The following PRELID2 variants were observed in gnomAD, a reference collection of about 807,000 sequenced individuals.
The protein encoded by PRELID2 is PRELI domain containing 2.
PRELID2 carries 25 observed loss-of-function variants against 28.4 expected under a neutral mutation model. The observed-to-expected ratio is 0.88, with a 90% CI of 0.64 to 1.23. PRELID2 has a LOEUF of 1.23. Among genes scored for constraint, PRELID2 ranks in the 50% most tolerant of loss-of-function variants. The probability of loss-of-function intolerance (pLI) is 0.00; values close to 1 mark genes in which losing one functional copy is unlikely to be tolerated. For missense variants in PRELID2, 201 were observed against 214.4 expected (o/e 0.94, Z 0.39); for synonymous variants, 76 against 71.6 (o/e 1.06, Z -0.31).
chr5:145,703,455 C>T (rs865798358), intron 1 of PRELID2, among the ~76,000 whole-genome samples: 3 of 152,160 alleles, frequency 2.0e-5, no homozygotes, highest in South Asian at 4.1e-4. Context: ...CTTATGACAA[C>T]CAAATAGCTG....
the PRELID2 span, among the ~76,000 whole-genome samples, chr5:145,306,036 T>G: frequency 1.3e-5 from 2 of 152,214 alleles, no homozygotes; most frequent in Admixed American, 6.5e-5. Flanking sequence ...TACAGCAGAC[T>G]CTTGCACGAC....
intron 1 of PRELID2, among the ~76,000 whole-genome samples, chr5:145,550,195 T>G (rs868702166): frequency 6.6e-6 from 1 of 152,186 alleles, no homozygotes; most frequent in South Asian, 2.1e-4. Context: ...GAACTAGACC[T>G]AGAGATATCA....
At chr5:145,290,106 G>T in the PRELID2 span, among the ~76,000 whole-genome samples, 1 of 152,170 alleles carries the variant, frequency 6.6e-6, no homozygotes, top group Non-Finnish European at 1.5e-5. Context: ...AACAACAGGT[G>T]CTGGAGAGGA....
chr5:145,640,417 A>G (rs1754082582), intron 1 of PRELID2, among the ~76,000 whole-genome samples: 1 of 147,752 alleles, frequency 6.8e-6, no homozygotes, highest in Non-Finnish European at 1.5e-5. Flanking sequence ...CGGAGCTTGC[A>G]GTGAGCCGAG....
the PRELID2 span, among the ~76,000 whole-genome samples, chr5:145,399,521 C>T: frequency 6.6e-6 from 1 of 152,086 alleles, no homozygotes; most frequent in Admixed American, 6.6e-5. Flanking sequence ...CCAACTGAAT[C>T]TAACATAAAT....
intron 1 of PRELID2, among the ~76,000 whole-genome samples, chr5:145,537,225 T>C (rs1752706976): frequency 6.6e-6 from 1 of 151,880 alleles, no homozygotes; most frequent in South Asian, 2.1e-4. Flanking sequence ...CCCAAGTACC[T>C]TGTGGGAGAA....
At chr5:145,290,133 C>T in the PRELID2 span, among the ~76,000 whole-genome samples, 646 of 152,206 alleles carry the variant, frequency 4.2e-3, 7 homozygotes, top group African/African-American at 0.015. Context: ...GAAATAGGAA[C>T]GCTTTTACAC....
chr5:145,508,531 A>G (rs1303924), intron 1 of PRELID2, among the ~76,000 whole-genome samples: 32,158 of 151,830 alleles, frequency 0.21, 3,492 homozygotes, highest in South Asian at 0.37. Context: ...TGAATTCATT[A>G]AAGTTAGTAT....
chr5:145,453,975 TA>T, the PRELID2 span, among the ~76,000 whole-genome samples: 1 of 152,206 alleles, frequency 6.6e-6, no homozygotes, highest in Non-Finnish European at 1.5e-5. Flanking sequence ...TTTGGGTATA[TA>T]CCCAGTAATA....
intron 1 of PRELID2, among the ~76,000 whole-genome samples, chr5:145,640,461 G>C (rs1754083734): frequency 7.1e-6 from 1 of 141,548 alleles, no homozygotes; most frequent in Admixed American, 7.2e-5. Flanking sequence ...GGGCGACAGA[G>C]CGAGACTCCG....
At chr5:145,340,500 G>A in the PRELID2 span, among the ~76,000 whole-genome samples, 15 of 152,240 alleles carry the variant, frequency 9.9e-5, no homozygotes, top group Middle Eastern at 3.4e-3. Flanking sequence ...GGGCATGGTG[G>A]CTCATGCCTG....
At chr5:145,234,952 C>T in the PRELID2 span, among the ~76,000 whole-genome samples, 4 of 152,048 alleles carry the variant, frequency 2.6e-5, no homozygotes, top group South Asian at 8.3e-4. Flanking sequence ...GACTGGTCCT[C>T]TTCGTGGATT....
the PRELID2 span, among the ~76,000 whole-genome samples, chr5:145,332,981 T>C: frequency 2.7e-3 from 407 of 152,292 alleles, no homozygotes; most frequent in African/African-American, 9.4e-3. Flanking sequence ...TGATGTTGAT[T>C]CTATTCCTTT....
intron 1 of PRELID2, among the ~76,000 whole-genome samples, chr5:145,704,768 T>C (rs924218206): frequency 3.3e-5 from 5 of 152,156 alleles, no homozygotes; most frequent in Non-Finnish European, 5.9e-5. Flanking sequence ...AAATTTAGAA[T>C]TGGGCCCGAA....
chr5:145,781,689 CTATA>C (rs1346961934), intron 5 of PRELID2, among the ~76,000 whole-genome samples: 2 of 144,452 alleles, frequency 1.4e-5, no homozygotes, highest in Non-Finnish European at 3.0e-5. Flanking sequence ...TATATATACA[CTATA>C]TATACTATAT....
chr5:145,688,611 C>G (rs952438773), intron 1 of PRELID2, among the ~76,000 whole-genome samples: 8 of 152,240 alleles, frequency 5.3e-5, no homozygotes, highest in African/African-American at 1.9e-4. Flanking sequence ...TAAATAATAC[C>G]TAGAGTTACC....
chr5:145,554,366 T>G (rs749755408), intron 1 of PRELID2, among the ~76,000 whole-genome samples: 2 of 151,622 alleles, frequency 1.3e-5, no homozygotes, highest in Non-Finnish European at 2.9e-5. Context: ...CCTTTAGAAA[T>G]TAAGGGTTTA....
At chr5:145,323,138 A>G in the PRELID2 span, among the ~76,000 whole-genome samples, 22 of 152,096 alleles carry the variant, frequency 1.4e-4, no homozygotes, top group African/African-American at 4.8e-4. Context: ...AGAAAAAGCC[A>G]GTATGGGAAA....
rs930608167 is a variant in PRELID2 at position 145,477,289 on chromosome 5, T to G, written n.71-3974A>C. The stretch of plus-strand genomic sequence containing the variant: ...CTCTGCTTCTCCCATCTCACTGCTC[T>G]ACATTTCTCTGTGTTTGCTCATTCT... On this transcript the variant is annotated intron_variant and non_coding_transcript_variant, in intron 1 of 2. Coordinates refer to the PRELID2 transcript ENST00000510259. Among the ~76,000 whole-genome samples the G allele has an allele frequency of 2.0e-5, 3 of 152,334 alleles. No homozygotes were observed. In the East Asian group the frequency reaches 5.8e-4, roughly 29 times the overall value.
Sources: gnomAD v4.1 joint callset for allele counts (sites outside exome capture counted in the v4.1 genomes callset) on GRCh38, gnomAD v4.1.1 for gene constraint, MANE v1.5 for transcripts, NCBI Gene and HGNC (gene_info 2026-07-23, HGNC 2026-07-21) for gene names.